CLEC2D: variants seen among roughly 807,000 people sequenced by gnomAD.
CLEC2D encodes C-type lectin domain family 2 member D.
Under a neutral mutation model 20.0 loss-of-function variants are expected in CLEC2D, and 16 were observed. The ratio of observed to expected loss-of-function variants is 0.80; its 90% CI spans 0.54 to 1.22. The LOEUF is 1.22. CLEC2D is among the 50% of genes most tolerant of loss of function. The pLI is 0.00. For missense variants in CLEC2D, 207 were observed against 221.5 expected (o/e 0.93, Z 0.42); for synonymous variants, 77 against 71.1 (o/e 1.08, Z -0.42).
At chr12:9,671,022 T>G (rs1865408497) in intron 1 of CLEC2D, among the ~76,000 whole-genome samples, 1 of 152,164 alleles carries the variant, frequency 6.6e-6, no homozygotes, top group Non-Finnish European at 1.5e-5. Context: ...TACTTTCAGG[T>G]TCCCAGGGGC....
Position 9,698,526 on chromosome 12 carries a change from C to T in CLEC2D, c.*3652C>T, listed in dbSNP as rs769857726. 6.6e-6 allele frequency: 1 copy of T among 152,092 alleles called. No homozygotes were observed. The highest frequency in any genetic ancestry group is 1.5e-5 in the Non-Finnish European group (1 of 67,968). 9.4% of individuals were successfully genotyped at this position (152,092 alleles called of 1,614,324 possible). ...CCATATATAAAAACCAACTGAAAAT[C>T]GATTAAAGACTTAAACTGTAAAACT... On this transcript the variant is annotated 3_prime_UTR_variant, in exon 5 of 5. Coordinates refer to ENST00000290855, the MANE Select transcript of CLEC2D (RefSeq NM_013269.6).
chr12:9,679,063 C>T (rs1280393685), intron 1 of CLEC2D, among the ~76,000 whole-genome samples: 1 of 152,144 alleles, frequency 6.6e-6, no homozygotes, highest in Admixed American at 6.5e-5. Context: ...ATCTAATTCT[C>T]TGCTTTTATC....
At position 9,698,173 on chromosome 12, in the gene CLEC2D, GA is replaced by G. The variant is rs1271292511; in HGVS notation, c.*3301del. On this transcript the variant is annotated 3_prime_UTR_variant, in exon 5 of 5. Transcript: ENST00000290855. ...TGTTCTGATATATGTGTACACTATG[GA>G]ATGATTAAATCAAACTAACATTTCA... The G allele has an allele frequency of 1.3e-5, 2 of 152,098 alleles. No homozygotes were observed. The highest frequency in any genetic ancestry group is 4.8e-5 in the African/African-American group (2 of 41,408). The allele number at this position is 152,098 out of a possible 1,614,324, so 9.4% of individuals were successfully genotyped here.
In CLEC2D at chr12:9,692,842, A is replaced by C; in HGVS notation, c.372A>C (p.Arg124Ser). The change falls in exon 4 of 5, where the codon AGA (arginine) becomes AGC (serine). Residue 124 changes from arginine (R) to serine (S), a missense_variant. Arg to Ser is a moderately radical substitution (Grantham distance 110, BLOSUM62 -1). Transcript: ENST00000290855. The part of the protein sequence containing the change: ...ESFQELNFLL[R>S]YKGPSDHWIG... ...TTTTCTGAAAGAATTTCCTGTTGAG[A>C]TATAAAGGCCCATCTGATCACTGGA... The C allele has an allele frequency of 6.2e-7, 1 of 1,609,560 alleles. No homozygotes were observed. The highest frequency in any genetic ancestry group is 8.5e-7 in the Non-Finnish European group (1 of 1,177,896).
chr12:9,674,663 A>T (rs774627945), intron 1 of CLEC2D, among the ~76,000 whole-genome samples: 1 of 152,354 alleles, frequency 6.6e-6, no homozygotes, highest in Non-Finnish European at 1.5e-5. Flanking sequence ...CTAGTATTTG[A>T]TATTGTTAAT....
intron 1 of CLEC2D, among the ~76,000 whole-genome samples, chr12:9,675,932 A>G (rs1865512925): frequency 6.6e-6 from 1 of 152,172 alleles, no homozygotes; most frequent in South Asian, 2.1e-4. Flanking sequence ...TTAAAAGTCC[A>G]TTTGTTTATT....
At chr12:9,672,194 G>T (rs1341165213) in intron 1 of CLEC2D, among the ~76,000 whole-genome samples, 2 of 152,134 alleles carry the variant, frequency 1.3e-5, no homozygotes, top group Admixed American at 6.5e-5. Context: ...AGAGCAAGAG[G>T]CACCAAACTT....
chr12:9,687,528 C>A (rs1220003183), intron 2 of CLEC2D, among the ~76,000 whole-genome samples: 1 of 152,174 alleles, frequency 6.6e-6, no homozygotes, highest in Non-Finnish European at 1.5e-5. Context: ...GTTGGGGACC[C>A]CTAATCTAGA....
In CLEC2D at chr12:9,695,212, A is replaced by G. The variant is rs2401387; in HGVS notation, c.*338A>G. Reference sequence around the variant, plus strand: ...GCAAAGTCATGTCTTATGTGGTGGCAGGCAGGGGGACTTGTGCACAGGAAC... The same window carrying G: ...GCAAAGTCATGTCTTATGTGGTGGCGGGCAGGGGGACTTGTGCACAGGAAC... On this transcript the variant is annotated 3_prime_UTR_variant, in exon 5 of 5. Transcript: ENST00000290855. The G allele has an allele frequency of 0.16, 93,523 of 601,502 alleles. 9,831 individuals are homozygous for G. The highest frequency in any genetic ancestry group is 0.41 in the African/African-American group (21,925 of 53,704). The allele number at this position is 601,502 out of a possible 1,614,324, so 37.3% of individuals were successfully genotyped here.
rs1021495959 is a variant in CLEC2D, at chr12:9,695,311, C to T, written c.*437C>T. ...CTCCCTGGTGTGATTCCGTCCTGCG[C>T]GGCTGTTCTCTGGAGCAGCATTCAT... On this transcript the variant is annotated 3_prime_UTR_variant, in exon 5 of 5. Coordinates refer to ENST00000290855, the MANE Select transcript of CLEC2D (RefSeq NM_013269.6). 127 of 796,606 alleles carry T rather than the reference C, an allele frequency of 1.6e-4. 1 individual carries two copies. The highest frequency in any genetic ancestry group is 9.0e-4 in the African/African-American group (53 of 59,198). The allele number at this position is 796,606 out of a possible 1,614,324, so 49.3% of individuals were successfully genotyped here. A position where few individuals can be genotyped will look rare whatever the true frequency, so the allele number is the denominator to read the frequency against.
Position 9,698,989 on chromosome 12 carries a change from G to A in CLEC2D, c.*4115G>A, listed in dbSNP as rs1224852210. On this transcript the variant is annotated 3_prime_UTR_variant, in exon 5 of 5. Coordinates refer to ENST00000290855, the MANE Select transcript of CLEC2D (RefSeq NM_013269.6). ...GGTTTTCATTAACTGAAGTCATATTGTAGGAAAAAGAATGAAGTCTCTTAA... is the reference window on the plus strand; with the variant it reads ...GGTTTTCATTAACTGAAGTCATATTATAGGAAAAAGAATGAAGTCTCTTAA... The A allele has an allele frequency of 6.6e-6, 1 of 152,158 alleles. No individual in the cohort carries two copies. The highest frequency in any genetic ancestry group is 1.5e-5 in the Non-Finnish European group (1 of 68,024). 9.4% of individuals were successfully genotyped at this position (152,158 alleles called of 1,614,324 possible). A position where few individuals can be genotyped will look rare whatever the true frequency, so the allele number is the denominator to read the frequency against.
chr12:9,690,349 A>G (rs1408904687), intron 3 of CLEC2D, among the ~76,000 whole-genome samples: 2 of 152,148 alleles, frequency 1.3e-5, no homozygotes, highest in African/African-American at 4.8e-5. Flanking sequence ...GACATGTGCT[A>G]CAGAAAATGC....
At chr12:9,677,222 A>AT (rs889876909) in intron 1 of CLEC2D, among the ~76,000 whole-genome samples, 1 of 151,658 alleles carries the variant, frequency 6.6e-6, no homozygotes. Context: ...TTAGATCTTT[A>AT]TTTTTTTCTA....
At chr12:9,671,757 T>G (rs916015081) in intron 1 of CLEC2D, among the ~76,000 whole-genome samples, 2 of 152,216 alleles carry the variant, frequency 1.3e-5, no homozygotes, top group Non-Finnish European at 2.9e-5. Context: ...AATTCCATGT[T>G]TCTGGCTGTA....
chr12:9,687,227 G>A (rs1300844972), intron 2 of CLEC2D, among the ~76,000 whole-genome samples: 7 of 152,154 alleles, frequency 4.6e-5, no homozygotes, highest in Non-Finnish European at 1.0e-4. Flanking sequence ...AAAGTAGATG[G>A]TACCATCTGT....
chr12:9,688,951 C>T (rs1865810615), intron 3 of CLEC2D, among the ~76,000 whole-genome samples: 1 of 152,168 alleles, frequency 6.6e-6, no homozygotes, highest in Non-Finnish European at 1.5e-5. Flanking sequence ...TCAGCCTTTC[C>T]ACTCAATAAT....
chr12:9,698,683 G>A lies in CLEC2D; in HGVS notation c.*3809G>A, dbSNP rs1400381388. 1 of 152,128 alleles carries A rather than the reference G, an allele frequency of 6.6e-6. No homozygotes were observed. Among genetic ancestry groups the A allele is most frequent in the Non-Finnish European group, 1.5e-5 (1 of 68,018 alleles). 9.4% of individuals were successfully genotyped at this position (152,128 alleles called of 1,614,324 possible). A position where few individuals can be genotyped will look rare whatever the true frequency, so the allele number is the denominator to read the frequency against. On this transcript the variant is annotated 3_prime_UTR_variant, in exon 5 of 5. Transcript: ENST00000290855. ...ATTGCATAAAATAAAAAATGTTTCT[G>A]CACAGCAAAGGAAATAATTAATGGA...
At chr12:9,673,654 A>G (rs1047614873) in intron 1 of CLEC2D, among the ~76,000 whole-genome samples, 1 of 152,238 alleles carries the variant, frequency 6.6e-6, no homozygotes, top group African/African-American at 2.4e-5. Flanking sequence ...GGCAGAAAAG[A>G]TAAGTCTGCT....
intron 1 of CLEC2D, among the ~76,000 whole-genome samples, chr12:9,675,670 A>G (rs1357688398): frequency 6.6e-6 from 1 of 152,192 alleles, no homozygotes; most frequent in Non-Finnish European, 1.5e-5. Flanking sequence ...GTTGATATTT[A>G]TACAATAACT....
Sources: gnomAD v4.1 joint callset for allele counts (sites outside exome capture counted in the v4.1 genomes callset) on GRCh38, gnomAD v4.1.1 for gene constraint, MANE v1.5 for transcripts, NCBI Gene and HGNC (gene_info 2026-07-23, HGNC 2026-07-21) for gene names.